The following TMCO4 variants were observed in gnomAD, a reference collection of about 807,000 sequenced individuals.
TMCO4 encodes the protein transmembrane and coiled-coil domains 4, also known as transmembrane and coiled-coil domain-containing protein 4.
TMCO4 carries 58 observed loss-of-function variants against 64.7 expected under a neutral mutation model. That is an observed-to-expected ratio of 0.90 (90% CI 0.73 to 1.12). The LOEUF (loss-of-function observed/expected upper bound fraction) is 1.12. Among genes scored for constraint, TMCO4 ranks in the 50% most tolerant of loss-of-function variants. The pLI is 0.00. For missense variants in TMCO4, 780 were observed against 825.9 expected (o/e 0.94, Z 0.68); for synonymous variants, 325 against 346.1 (o/e 0.94, Z 0.68).
At chr1:19,767,373 C>T (rs1457090106) in intron 6 of TMCO4, among the ~76,000 whole-genome samples, 2 of 152,214 alleles carry the variant, frequency 1.3e-5, no homozygotes, top group South Asian at 2.1e-4. Context: ...ATTTTAAGGG[C>T]GATGCTGGTT....
chr1:19,749,780 C>G (rs1000405692), intron 7 of TMCO4, among the ~76,000 whole-genome samples: 1 of 152,206 alleles, frequency 6.6e-6, no homozygotes, highest in Non-Finnish European at 1.5e-5. Context: ...GACCCAGAAC[C>G]AGTACAATGT....
chr1:19,713,121 A>G (rs966478124), intron 13 of TMCO4, among the ~76,000 whole-genome samples: 2 of 152,168 alleles, frequency 1.3e-5, no homozygotes, highest in African/African-American at 2.4e-5. Context: ...TGTGCCTTCT[A>G]TGGGCCAATG....
intron 2 of TMCO4, among the ~76,000 whole-genome samples, chr1:19,796,346 G>T (rs531530658): frequency 3.3e-5 from 5 of 152,214 alleles, no homozygotes; most frequent in East Asian, 1.9e-4. Context: ...CGAATGTGGG[G>T]CCTGCCAACT....
chr1:19,756,244 G>A (rs1336861299), intron 6 of TMCO4, among the ~76,000 whole-genome samples: 1 of 152,034 alleles, frequency 6.6e-6, no homozygotes, highest in Non-Finnish European at 1.5e-5. Context: ...GTGAGACCCT[G>A]TCTCAAAAAA....
chr1:19,682,905 C>G lies in TMCO4; in HGVS notation c.*135G>C. 1 of 1,222,908 alleles carries G rather than the reference C, an allele frequency of 8.2e-7. No homozygotes were observed. 75.8% of individuals were successfully genotyped at this position (1,222,908 alleles called of 1,614,324 possible). The stretch of plus-strand genomic sequence containing the variant: ...CCTTCCTTCCATTTCCTTTCCCTTT[C>G]AGTTCCAATTCCTTCCATTTAGGAA... On this transcript the variant is annotated 3_prime_UTR_variant, in exon 16 of 16. Transcript: ENST00000294543.
rs752530872 is a variant in TMCO4, at chr1:19,694,438, G to C, written c.1496C>G (p.Ser499Cys). Residue 499 changes from serine to cysteine, a missense_variant, in exon 15 of 16, where the codon TCT (serine) becomes TGT (cysteine). Coordinates refer to ENST00000294543, the MANE Select transcript of TMCO4 (RefSeq NM_181719.7). ...GAGGAACAGGCCGACACTCACCACAGAGGTCAGGTCCACGTTCTCCACCCT... is the reference window on the plus strand; with the variant it reads ...GAGGAACAGGCCGACACTCACCACACAGGTCAGGTCCACGTTCTCCACCCT... Reference protein sequence around the residue: ...DRRVENVDLTSVVSGHLDYAK... With the variant: ...DRRVENVDLTCVVSGHLDYAK... 3.7e-6 allele frequency: 6 copies of C among 1,613,600 alleles called. No individual in the cohort carries two copies. In the East Asian group the frequency reaches 1.1e-4, roughly 30 times the overall value.
intron 13 of TMCO4, among the ~76,000 whole-genome samples, chr1:19,733,225 C>A (rs2095437754): frequency 6.6e-6 from 1 of 152,084 alleles, no homozygotes. Context: ...TGAGATGGCA[C>A]CACTGCACTC....
intron 9 of TMCO4, among the ~76,000 whole-genome samples, chr1:19,746,087 G>A (rs2041767714): frequency 6.6e-6 from 1 of 152,174 alleles, no homozygotes; most frequent in South Asian, 2.1e-4. Context: ...AGTGGGAGGG[G>A]GGCTGCTGCT....
chr1:19,757,414 C>G (rs2042314294), intron 6 of TMCO4, among the ~76,000 whole-genome samples: 1 of 151,744 alleles, frequency 6.6e-6, no homozygotes, highest in Non-Finnish European at 1.5e-5. Context: ...TCATGTCTCC[C>G]TTTTATGAAG....
chr1:19,723,772 T>A (rs992045817), intron 13 of TMCO4, among the ~76,000 whole-genome samples: 2 of 152,112 alleles, frequency 1.3e-5, no homozygotes, highest in Admixed American at 1.3e-4. Flanking sequence ...GGAAGCTAAG[T>A]GGATTTATCT....
chr1:19,733,809 C>T lies in TMCO4; in HGVS notation c.1264+3563G>A, dbSNP rs976142410. Among the ~76,000 whole-genome samples, 22 of 152,166 alleles carry T rather than the reference C, an allele frequency of 1.4e-4. No individual in the cohort carries two copies. In the Middle Eastern group the frequency reaches 0.014, roughly 95 times the overall value. On this transcript the variant is annotated intron_variant, in intron 13 of 15. Transcript: ENST00000294543. ...AGTGTGGCTTGGAGAGACAGTCTAG[C>T]GTAGGGTGAAGATCGCACAATCTCC...
intron 13 of TMCO4, among the ~76,000 whole-genome samples, chr1:19,729,204 C>A (rs1439079433): frequency 6.6e-6 from 1 of 151,892 alleles, no homozygotes; most frequent in Admixed American, 6.6e-5. Flanking sequence ...GGCTAGAGTA[C>A]AGTGGCCCAA....
At chr1:19,742,705 C>T (rs1247536897) in intron 10 of TMCO4, among the ~76,000 whole-genome samples, 1 of 152,148 alleles carries the variant, frequency 6.6e-6, no homozygotes, top group African/African-American at 2.4e-5. Flanking sequence ...GGCACCATGC[C>T]CTTCTGACCC....
At chr1:19,761,296 G>A (rs796349196) in intron 6 of TMCO4, among the ~76,000 whole-genome samples, 5 of 152,256 alleles carry the variant, frequency 3.3e-5, no homozygotes, top group Admixed American at 6.5e-5. Flanking sequence ...ACCTCTCCCC[G>A]AAGCCCGCCC....
intron 2 of TMCO4, among the ~76,000 whole-genome samples, chr1:19,787,964 C>T (rs2043827326): frequency 6.6e-6 from 1 of 152,090 alleles, no homozygotes; most frequent in South Asian, 2.1e-4. Flanking sequence ...GCCATGTTGC[C>T]CAGGCTGGTC....
chr1:19,723,353 GCCT>G (rs1252836997), intron 13 of TMCO4, among the ~76,000 whole-genome samples: 1 of 152,146 alleles, frequency 6.6e-6, no homozygotes, highest in Non-Finnish European at 1.5e-5. Flanking sequence ...TTGTCTTCCT[GCCT>G]CCTTTCTCCT....
intron 4 of TMCO4, among the ~76,000 whole-genome samples, chr1:19,773,490 G>T (rs578084267): frequency 1.3e-5 from 2 of 152,190 alleles, no homozygotes; most frequent in Non-Finnish European, 2.9e-5. Flanking sequence ...CCGGATGCAG[G>T]TGCCCCAGGG....
intron 15 of TMCO4, among the ~76,000 whole-genome samples, chr1:19,685,632 C>T (rs1413641057): frequency 6.6e-6 from 1 of 151,832 alleles, no homozygotes; most frequent in Non-Finnish European, 1.5e-5. Flanking sequence ...GAAATTGAGC[C>T]ACACGGAGGT....
At chr1:19,688,864 G>A (rs973451858) in intron 15 of TMCO4, among the ~76,000 whole-genome samples, 7 of 152,168 alleles carry the variant, frequency 4.6e-5, no homozygotes, top group Admixed American at 3.9e-4. Flanking sequence ...AGGCCACCTG[G>A]CATTTCTGCT....
Sources: allele counts gnomAD v4.1 joint callset (sites outside exome capture counted in the v4.1 genomes callset), GRCh38; gene constraint gnomAD v4.1.1; transcripts MANE v1.5; gene names NCBI Gene and HGNC (gene_info 2026-07-23, HGNC 2026-07-21).